Variants in UROC1 observed in about 807,000 individuals in gnomAD.
UROC1 encodes the protein urocanate hydratase 1.
UROC1 carries 79 observed loss-of-function variants against 89.5 expected under a neutral mutation model. The ratio of observed to expected loss-of-function variants is 0.88; its 90% CI spans 0.74 to 1.06. The LOEUF (loss-of-function observed/expected upper bound fraction) is 1.06. Among genes scored for constraint, UROC1 ranks in the 50% least tolerant of loss-of-function variants. The pLI, the probability that UROC1 is intolerant of heterozygous loss-of-function variation, is 0.00. For synonymous variants in UROC1, 361 were observed against 354.8 expected (o/e 1.02, Z -0.20); for missense variants, 885 against 907.8 (o/e 0.97, Z 0.32).
chr3:126,491,664 C>T (rs1404249893), intron 16 of UROC1, among the ~76,000 whole-genome samples: 3 of 152,214 alleles, frequency 2.0e-5, no homozygotes, highest in Non-Finnish European at 4.4e-5. Flanking sequence ...AAAAGAGAGA[C>T]GCCCGCAAGA....
rs1576730710 is a variant in UROC1 at position 126,510,763 on chromosome 3, G to A, written c.158C>T (p.Pro53Leu). 3 of 1,614,002 alleles carry A rather than the reference G, an allele frequency of 1.9e-6. No homozygotes were observed. Among genetic ancestry groups the A allele is most frequent in the Non-Finnish European group, 2.5e-6 (3 of 1,180,036 alleles). The change falls in exon 2 of 20, where the codon CCC becomes CTC. Residue 53 changes from proline (P) to leucine (L), a missense_variant. Physicochemically the swap from Pro to Leu is moderately conservative, Grantham distance 98. Coordinates refer to ENST00000290868, the MANE Select transcript of UROC1 (RefSeq NM_144639.3). ...GGCCAGCAGCTCCTGGACATCCGGGGGGAAGTAGCGCAGGGCGTTCCTCAG... is the reference window on the plus strand; with the variant it reads ...GGCCAGCAGCTCCTGGACATCCGGGAGGAAGTAGCGCAGGGCGTTCCTCAG... ...LALRNALRYF[P>L]PDVQELLAPE...
intron 12 of UROC1, among the ~76,000 whole-genome samples, chr3:126,499,833 T>A (rs753864281): frequency 3.9e-5 from 6 of 152,210 alleles, no homozygotes; most frequent in Non-Finnish European, 7.3e-5. Context: ...GTATGGGACT[T>A]TATGTTCCTA....
intron 16 of UROC1, 93 bp from the exon 17 acceptor site, chr3:126,489,468 C>T (rs1014088389): frequency 2.7e-5 from 26 of 973,438 alleles, no homozygotes; most frequent in Middle Eastern, 2.4e-4. Flanking sequence ...CACCAGAACC[C>T]GCTGGATTTC....
At chr3:126,483,202 C>T (rs1935428851) in intron 19 of UROC1, among the ~76,000 whole-genome samples, 167 bp downstream of exon 19, 1 of 152,234 alleles carries the variant, frequency 6.6e-6, no homozygotes, top group African/African-American at 2.4e-5. Context: ...CCTGACCTGA[C>T]CTCCATTTGA....
At chr3:126,498,006 T>G in intron 14 of UROC1, 45 bp downstream of exon 14, 1 of 1,613,354 alleles carries the variant, frequency 6.2e-7, no homozygotes. Flanking sequence ...GGCAGAAGCT[T>G]TGGGGGGGCC....
intron 5 of UROC1, 22 bp downstream of exon 5, chr3:126,507,945 G>A (rs1034077000): frequency 1.1e-5 from 17 of 1,613,652 alleles, no homozygotes; most frequent in African/African-American, 1.3e-5. Flanking sequence ...GGCAGGTGCT[G>A]TGCCACCTGC....
Position 126,500,159 on chromosome 3 carries a change from A to T in UROC1, c.1146-5T>A. The T allele has an allele frequency of 1.2e-6, 2 of 1,613,388 alleles. No individual in the cohort carries two copies. The highest frequency in any genetic ancestry group is 1.7e-6 in the Non-Finnish European group (2 of 1,179,966). On this transcript the variant is annotated splice_polypyrimidine_tract_variant and splice_region_variant and intron_variant, in intron 11 of 19. Coordinates refer to ENST00000290868, the MANE Select transcript of UROC1 (RefSeq NM_144639.3). ...GCTGAGACTTGCCTCCTCAGGCTGCAACAAGCCATGGGTCAGCACCACCGC... is the reference window on the plus strand; with the variant it reads ...GCTGAGACTTGCCTCCTCAGGCTGCTACAAGCCATGGGTCAGCACCACCGC...
At position 126,500,038 on chromosome 3, in the gene UROC1, CCCTCCTCCTT is replaced by C; in HGVS notation, c.1243+9_1243+18del. On this transcript the variant is annotated intron_variant, in intron 12 of 19. Transcript: ENST00000290868. ...AGGGTGGTGGCCCCTCCCTCCTCCT[CCCTCCTCCTT>C]CCTCCTACCTGCTCTCTGGGCCTCC... The C allele has an allele frequency of 6.2e-7, 1 of 1,609,462 alleles. No homozygotes were observed. Among genetic ancestry groups the C allele is most frequent in the Non-Finnish European group, 8.5e-7 (1 of 1,178,346 alleles).
At chr3:126,501,996 C>T (rs745913483) in intron 9 of UROC1, 20 of 1,518,426 alleles carry the variant, frequency 1.3e-5, no homozygotes, top group Non-Finnish European at 1.6e-5. Flanking sequence ...GGGTCTTCCT[C>T]AGCTCGGGGG....
intron 9 of UROC1, chr3:126,501,836 A>G: frequency 2.5e-6 from 4 of 1,599,202 alleles, no homozygotes; most frequent in East Asian, 2.2e-5. Flanking sequence ...GGAGCCAGGC[A>G]CCTCCCCTCC....
At chr3:126,514,502 C>T (rs1936257992) in intron 1 of UROC1, among the ~76,000 whole-genome samples, 1 of 152,146 alleles carries the variant, frequency 6.6e-6, no homozygotes, top group East Asian at 1.9e-4. Context: ...AAAGGCCCCA[C>T]TCCAGTCACA....
rs1187540449 is a variant in UROC1, at chr3:126,483,361, T to C, written c.1890+8A>G. On this transcript the variant is annotated splice_region_variant and intron_variant, in intron 19 of 19. Transcript: ENST00000290868. ...CTTCAGGAGGTGGCAAGGACTGGGC[T>C]GACTTACACCATTGGAGACATCCCA... 6.2e-7 allele frequency: 1 copy of C among 1,612,436 alleles called. No individual in the cohort carries two copies. The highest frequency in any genetic ancestry group is 8.5e-7 in the Non-Finnish European group (1 of 1,179,774).
rs149908649 is a variant in UROC1, at chr3:126,500,755, G to A, written c.1085C>T (p.Thr362Met). 5.9e-5 allele frequency: 95 copies of A among 1,614,112 alleles called. No homozygotes were observed. In the African/African-American group the frequency reaches 8.4e-4, roughly 14 times the overall value. Residue 362 changes from threonine to methionine, a missense_variant, in exon 11 of 20, where the codon ACG becomes ATG. Thr to Met is a moderately conservative substitution (Grantham distance 81). Coordinates refer to ENST00000290868, the MANE Select transcript of UROC1 (RefSeq NM_144639.3). ...GGAGGCCATGAGGCTCTGGGCCTCCGTGAAGCTGAGCTGCACAGGGTAGTA... is the reference window on the plus strand; with the variant it reads ...GGAGGCCATGAGGCTCTGGGCCTCCATGAAGCTGAGCTGCACAGGGTAGTA... ...GGYYPVQLSF[T>M]EAQSLMASNP...
intron 18 of UROC1, among the ~76,000 whole-genome samples, chr3:126,487,849 C>T (rs1243882596): frequency 6.6e-6 from 1 of 152,322 alleles, no homozygotes; most frequent in South Asian, 2.1e-4. Flanking sequence ...GCCATGAAAG[C>T]GCCGGGAATT....
At chr3:126,495,028 G>A (rs930196281) in intron 15 of UROC1, among the ~76,000 whole-genome samples, 1 of 152,212 alleles carries the variant, frequency 6.6e-6, no homozygotes, top group Non-Finnish European at 1.5e-5. Context: ...AGGTCACACA[G>A]CTGAGGATAC....
intron 1 of UROC1, among the ~76,000 whole-genome samples, chr3:126,512,196 G>C (rs566287781): frequency 6.6e-6 from 1 of 152,238 alleles, no homozygotes; most frequent in Non-Finnish European, 1.5e-5. Context: ...CCCTGCAACA[G>C]GACTGTGGGT....
intron 18 of UROC1, among the ~76,000 whole-genome samples, chr3:126,485,297 T>G (rs1039902841): frequency 1.3e-5 from 2 of 152,212 alleles, no homozygotes; most frequent in Non-Finnish European, 2.9e-5. Flanking sequence ...ATTATTATGC[T>G]TATTTTCTCA....
At chr3:126,510,857 C>A in intron 1 of UROC1, 63 bp from the exon 2 acceptor site, 2 of 1,585,320 alleles carry the variant, frequency 1.3e-6, no homozygotes, top group Non-Finnish European at 1.7e-6. Flanking sequence ...TCTGAGGCCC[C>A]GCGATGGGCC....
chr3:126,500,831 C>T lies in UROC1; in HGVS notation c.1009G>A (p.Val337Met). The stretch of plus-strand genomic sequence containing the variant: ...GATGTCTGATCTGACCCCAGGTCCA[C>T]CAAGCACTCCCCCGTCGTGTCCAAT... ...HELDTTGECL[V>M]DLGSDQTSCH... Residue 337 changes from valine to methionine, a missense_variant, in exon 11 of 20, where the codon GTG becomes ATG. Val to Met is a conservative substitution (Grantham distance 21). Coordinates refer to ENST00000290868, the MANE Select transcript of UROC1 (RefSeq NM_144639.3). The T allele has an allele frequency of 1.2e-6, 2 of 1,613,956 alleles. No homozygotes were observed. The highest frequency in any genetic ancestry group is 8.5e-7 in the Non-Finnish European group (1 of 1,180,034).
Sources: gnomAD v4.1 joint callset for allele counts (sites outside exome capture counted in the v4.1 genomes callset) on GRCh38, gnomAD v4.1.1 for gene constraint, MANE v1.5 for transcripts, NCBI Gene and HGNC (gene_info 2026-07-23, HGNC 2026-07-21) for gene names.